Variants in ANKS1B observed in about 807,000 individuals in gnomAD.
The protein encoded by ANKS1B is ankyrin repeat and sterile alpha motif domain containing 1B, also known as ankyrin repeat and sterile alpha motif domain-containing protein 1B.
In ANKS1B, 36 loss-of-function variants were observed where a neutral mutation model predicts 148.3. The ratio of observed to expected loss-of-function variants is 0.24; its 90% CI spans 0.19 to 0.32. The LOEUF is 0.32. Among genes scored for constraint, ANKS1B ranks in the 10% least tolerant of loss-of-function variants. ANKS1B has a pLI of 1.00. For synonymous variants in ANKS1B, 542 were observed against 560.8 expected (o/e 0.97, Z 0.47); for missense variants, 1,157 against 1,542.6 (o/e 0.75, Z 4.19).
At chr12:99,363,441 C>A (rs981227075) in intron 12 of ANKS1B, among the ~76,000 whole-genome samples, 1 of 151,902 alleles carries the variant, frequency 6.6e-6, no homozygotes, top group Non-Finnish European at 1.5e-5. Context: ...AATAATACAG[C>A]GTATAAGTGA....
At chr12:99,387,056 G>A (rs1234421643) in intron 12 of ANKS1B, among the ~76,000 whole-genome samples, 1 of 152,180 alleles carries the variant, frequency 6.6e-6, no homozygotes, top group East Asian at 1.9e-4. Flanking sequence ...CTGCATTTAA[G>A]GAGCTCACAG....
intron 17 of ANKS1B, among the ~76,000 whole-genome samples, chr12:98,993,427 C>T (rs1296606635): frequency 6.6e-6 from 1 of 152,194 alleles, no homozygotes; most frequent in African/African-American, 2.4e-5. Flanking sequence ...CCTTGGCCTC[C>T]CAAAGTGCTG....
At chr12:99,818,020 C>T (rs996217067) in intron 2 of ANKS1B, among the ~76,000 whole-genome samples, 3 of 151,654 alleles carry the variant, frequency 2.0e-5, no homozygotes, top group Non-Finnish European at 4.4e-5. Flanking sequence ...TGTGTCTCAA[C>T]AAATACAAAA....
chr12:99,363,698 C>T (rs1294991668), intron 12 of ANKS1B, among the ~76,000 whole-genome samples: 1 of 152,120 alleles, frequency 6.6e-6, no homozygotes, highest in African/African-American at 2.4e-5. Flanking sequence ...AAAAACCTGA[C>T]TATGCCTTTA....
Position 99,006,059 on chromosome 12 carries a change from T to C in ANKS1B, c.2778+47098A>G, listed in dbSNP as rs116664344. ...GTTTATAGACTAGGATCTTACAAAT[T>C]AGAAGTTCATGTATTTTCCTAGGTC... On this transcript the variant is annotated intron_variant, in intron 17 of 26. Coordinates refer to ENST00000683438, the MANE Select transcript of ANKS1B (RefSeq NM_001352186.2). 3.2e-3 allele frequency among the ~76,000 whole-genome samples: 481 copies of C among 152,274 alleles called. 2 individuals carry two copies. The highest frequency in any genetic ancestry group is 0.011 in the African/African-American group (469 of 41,576).
At chr12:99,156,988 T>A (rs2076131186) in intron 14 of ANKS1B, among the ~76,000 whole-genome samples, 1 of 152,218 alleles carries the variant, frequency 6.6e-6, no homozygotes, top group Non-Finnish European at 1.5e-5. Context: ...AACTTGTTTT[T>A]TAAACAGATT....
chr12:99,466,325 G>A (rs1199377884), intron 10 of ANKS1B, among the ~76,000 whole-genome samples: 14 of 152,124 alleles, frequency 9.2e-5, no homozygotes, highest in Admixed American at 4.6e-4. Context: ...AAATGCTCAC[G>A]AGAGAAAGCA....
At chr12:99,126,052 G>T (rs1176493499) in intron 15 of ANKS1B, among the ~76,000 whole-genome samples, 1 of 152,116 alleles carries the variant, frequency 6.6e-6, no homozygotes, top group Non-Finnish European at 1.5e-5. Flanking sequence ...AGAGTTCTTG[G>T]TATGATGTAT....
chr12:98,831,849 A>T, intron 18 of ANKS1B, 180 bp downstream of exon 18: 1 of 635,810 alleles, frequency 1.6e-6, no homozygotes. Flanking sequence ...TTCTGGGTTC[A>T]AGTGATTTTC....
At chr12:99,410,409 C>G (rs948501343) in intron 11 of ANKS1B, among the ~76,000 whole-genome samples, 5 of 152,140 alleles carry the variant, frequency 3.3e-5, no homozygotes, top group African/African-American at 1.2e-4. Context: ...GTGGTTCACG[C>G]CTGTAATCCC....
chr12:99,557,117 A>C (rs2097285242), intron 9 of ANKS1B, among the ~76,000 whole-genome samples: 1 of 152,046 alleles, frequency 6.6e-6, no homozygotes, highest in Non-Finnish European at 1.5e-5. Flanking sequence ...TCTTTTATTC[A>C]ACCTTGAAGA....
chr12:99,180,626 G>GTT (rs11415606), intron 14 of ANKS1B, among the ~76,000 whole-genome samples: 2,242 of 125,972 alleles, frequency 0.018, 44 homozygotes, highest in Non-Finnish European at 0.024. Context: ...GAGGGAAAGG[G>GTT]TTTTTTTTTT....
chr12:99,269,715 C>T (rs574921691), intron 12 of ANKS1B, among the ~76,000 whole-genome samples: 12 of 152,116 alleles, frequency 7.9e-5, no homozygotes, highest in African/African-American at 2.2e-4. Context: ...CCCGCCACCA[C>T]GCCCGGCTAA....
At chr12:99,278,074 A>G (rs1192200155) in intron 12 of ANKS1B, among the ~76,000 whole-genome samples, 1 of 152,256 alleles carries the variant, frequency 6.6e-6, no homozygotes, top group Non-Finnish European at 1.5e-5. Context: ...TCTGCCAAAG[A>G]TTAATATTCC....
At chr12:99,551,365 T>C (rs1182342080) in intron 9 of ANKS1B, among the ~76,000 whole-genome samples, 1 of 152,094 alleles carries the variant, frequency 6.6e-6, no homozygotes, top group African/African-American at 2.4e-5. Context: ...TTTCTAGCTA[T>C]GTCTCTTTAG....
intron 17 of ANKS1B, among the ~76,000 whole-genome samples, chr12:98,911,579 A>T (rs1210571954): frequency 6.6e-6 from 1 of 152,230 alleles, no homozygotes; most frequent in Non-Finnish European, 1.5e-5. Flanking sequence ...AGACCATAGC[A>T]GATGATTCAG....
At chr12:99,657,754 G>A (rs987016912) in intron 8 of ANKS1B, among the ~76,000 whole-genome samples, 1 of 151,278 alleles carries the variant, frequency 6.6e-6, no homozygotes, top group African/African-American at 2.4e-5. Context: ...CAACATTGAT[G>A]CGGCACATAC....
chr12:99,784,696 T>C (rs1443489825), intron 4 of ANKS1B, among the ~76,000 whole-genome samples: 1 of 152,194 alleles, frequency 6.6e-6, no homozygotes, highest in Non-Finnish European at 1.5e-5. Flanking sequence ...TCGCCTGAGA[T>C]TAGGCCATAG....
intron 9 of ANKS1B, among the ~76,000 whole-genome samples, chr12:99,582,390 A>G (rs1375561603): frequency 2.0e-5 from 3 of 152,292 alleles, no homozygotes; most frequent in Non-Finnish European, 4.4e-5. Flanking sequence ...CCACACAAAG[A>G]CTTGTACTTG....
Sources: gnomAD v4.1 joint callset for allele counts (sites outside exome capture counted in the v4.1 genomes callset) on GRCh38, gnomAD v4.1.1 for gene constraint, MANE v1.5 for transcripts, NCBI Gene and HGNC (gene_info 2026-07-23, HGNC 2026-07-21) for gene names.